KIAA1217: variants seen among roughly 807,000 people sequenced by gnomAD.
The protein encoded by KIAA1217 is KIAA1217, also known as sickle tail protein homolog.
KIAA1217 carries 88 observed loss-of-function variants against 163.9 expected under a neutral mutation model. That is an observed-to-expected ratio of 0.54 (90% CI 0.45 to 0.64). The LOEUF (loss-of-function observed/expected upper bound fraction) is 0.64, where lower values mean the gene tolerates loss of function less well. KIAA1217 is among the 30% of genes least tolerant of loss of function. The probability of loss-of-function intolerance (pLI) is 0.00; values close to 1 mark genes in which losing one functional copy is unlikely to be tolerated. For synonymous variants in KIAA1217, 903 were observed against 923.1 expected, an observed-to-expected ratio of 0.98 and a Z score of 0.39; for missense variants, 2,372 against 2,475.0, an observed-to-expected ratio of 0.96 and a Z score of 0.88.
intron 2 of KIAA1217, among the ~76,000 whole-genome samples, chr10:24,088,274 T>TACAC (rs1257847458): frequency 0.04 from 4,313 of 107,228 alleles, 1,285 homozygotes; most frequent in Non-Finnish European, 0.074. Flanking sequence ...TATATATATA[T>TACAC]ACACACATAT....
At chr10:24,165,008 T>G in intron 2 of KIAA1217, among the ~76,000 whole-genome samples, 1 of 152,192 alleles carries the variant, frequency 6.6e-6, no homozygotes, top group Middle Eastern at 3.2e-3. Context: ...CCTCTTTGGC[T>G]GGGCAGATGT....
chr10:24,442,979 C>T (rs1330648978), intron 5 of KIAA1217, among the ~76,000 whole-genome samples: 6 of 147,588 alleles, frequency 4.1e-5, no homozygotes, highest in African/African-American at 1.0e-4. Context: ...GTTGCAATCT[C>T]GGCTCATTGC....
intron 5 of KIAA1217, among the ~76,000 whole-genome samples, chr10:24,445,321 T>C (rs1344833784): frequency 6.6e-6 from 1 of 152,182 alleles, no homozygotes; most frequent in East Asian, 1.9e-4. Context: ...TTTGAAGTGA[T>C]GTTCCTACTA....
At chr10:23,816,289 GTTGTTTGT>G (rs374978039) in intron 1 of KIAA1217, among the ~76,000 whole-genome samples, 6 of 151,802 alleles carry the variant, frequency 4.0e-5, no homozygotes, top group Non-Finnish European at 8.8e-5. Flanking sequence ...TGTTGTTGTT[GTTGTTTGT>G]TTGTTTGTTT....
intron 2 of KIAA1217, among the ~76,000 whole-genome samples, chr10:24,242,842 C>T (rs114181768): frequency 0.034 from 5,192 of 152,182 alleles, 233 homozygotes; most frequent in African/African-American, 0.1. Context: ...TGATTAGTGA[C>T]GTGGAGCATT....
intron 1 of KIAA1217, among the ~76,000 whole-genome samples, chr10:23,709,245 TG>T (rs2130730126): frequency 6.6e-6 from 1 of 152,178 alleles, no homozygotes; most frequent in East Asian, 1.9e-4. Flanking sequence ...AACTTTCAGG[TG>T]GGTGCGGTGG....
At chr10:24,000,667 G>A (rs1159285629) in intron 1 of KIAA1217, among the ~76,000 whole-genome samples, 1 of 152,240 alleles carries the variant, frequency 6.6e-6, no homozygotes, top group Non-Finnish European at 1.5e-5. Context: ...GATCTGAACA[G>A]TCATGGAAAT....
chr10:24,334,874 AT>A (rs2046151605), intron 2 of KIAA1217, among the ~76,000 whole-genome samples: 2 of 152,162 alleles, frequency 1.3e-5, no homozygotes, highest in African/African-American at 2.4e-5. Context: ...TCTTTTTCAT[AT>A]TGTTGAAGTT....
At chr10:23,730,560 T>C (rs11013670) in intron 1 of KIAA1217, among the ~76,000 whole-genome samples, 33,211 of 152,072 alleles carry the variant, frequency 0.22, 3,863 homozygotes, top group Middle Eastern at 0.29. Context: ...TTTGATGGCA[T>C]TTAATTTATA....
chr10:24,497,314 A>G (rs192772793), intron 8 of KIAA1217, among the ~76,000 whole-genome samples: 9 of 152,308 alleles, frequency 5.9e-5, no homozygotes, highest in African/African-American at 2.2e-4. Flanking sequence ...AGGTTTTTAT[A>G]CTGAGCATTA....
In KIAA1217 at chr10:23,869,124, GTTTTTTTTTTTT is replaced by G. The variant is rs58288361; in HGVS notation, c.-320-138082_-320-138071del. Reference sequence around the variant, plus strand: ...GTGTAACGTGCAATCATGAAATGTAGTTTTTTTTTTTTTTTTTTTTTTTTTTTTTTGCATAAG... The same window carrying G: ...GTGTAACGTGCAATCATGAAATGTAGTTTTTTTTTTTTTTTTTTGCATAAG... On this transcript the variant is annotated intron_variant, in intron 1 of 18. Coordinates refer to the KIAA1217 transcript ENST00000376462. Among the ~76,000 whole-genome samples, 50 of 31,722 alleles carry G rather than the reference GTTTTTTTTTTTT, an allele frequency of 1.6e-3. 2 individuals are homozygous for G. In the South Asian group the frequency reaches 0.019, roughly 12 times the overall value. The allele number at this position is 31,722 out of a possible 152,430, so 20.8% of individuals were successfully genotyped here. A position where few individuals can be genotyped will look rare whatever the true frequency, so the allele number is the denominator to read the frequency against.
At chr10:24,227,073 A>G (rs1293184668) in intron 2 of KIAA1217, among the ~76,000 whole-genome samples, 4 of 152,148 alleles carry the variant, frequency 2.6e-5, no homozygotes, top group Non-Finnish European at 5.9e-5. Context: ...TCAGATCATA[A>G]AAGAAACGAA....
chr10:24,334,265 C>A (rs1423878983), intron 2 of KIAA1217, among the ~76,000 whole-genome samples: 2 of 152,066 alleles, frequency 1.3e-5, no homozygotes, highest in African/African-American at 4.8e-5. Context: ...AGGGGTTGGG[C>A]ATGGCGGAGC....
chr10:24,342,264 C>T (rs1253386343), intron 2 of KIAA1217, among the ~76,000 whole-genome samples: 1 of 152,210 alleles, frequency 6.6e-6, no homozygotes, highest in Non-Finnish European at 1.5e-5. Flanking sequence ...ACCTACCTCA[C>T]ATACTTGTCC....
chr10:23,872,753 A>C (rs987142975), intron 1 of KIAA1217, among the ~76,000 whole-genome samples: 3 of 152,092 alleles, frequency 2.0e-5, no homozygotes, highest in Non-Finnish European at 4.4e-5. Context: ...GTGAGGGTTT[A>C]ATTTCTAATG....
intron 1 of KIAA1217, among the ~76,000 whole-genome samples, chr10:23,989,088 A>G (rs1320006607): frequency 6.6e-6 from 1 of 152,236 alleles, no homozygotes; most frequent in Non-Finnish European, 1.5e-5. Flanking sequence ...AACTCAGCAT[A>G]ATCTAAGTTA....
rs141672009 is a variant in KIAA1217 at position 24,524,606 on chromosome 10, G to C, written c.2740G>C (p.Ala914Pro). The C allele has an allele frequency of 1.6e-4, 262 of 1,613,818 alleles. No individual in the cohort carries two copies. The highest frequency in any genetic ancestry group is 2.1e-4 in the Non-Finnish European group (246 of 1,180,024). ...LNPAQNLPHV[A>P]SSPAVPQEAT... ...CCCTGCTCAGAACTTGCCTCACGTG[G>C]CCAGCTCCCCAGCCGTCCCCCAGGA... The change falls in exon 13 of 21, where the codon GCC (alanine) becomes CCC (proline). Residue 914 changes from alanine (A) to proline (P), a missense_variant. Physicochemically the swap from Ala to Pro is conservative, Grantham distance 27. Coordinates refer to ENST00000376454, the MANE Select transcript of KIAA1217 (RefSeq NM_019590.5).
intron 1 of KIAA1217, among the ~76,000 whole-genome samples, chr10:23,752,833 G>GT (rs1448414210): frequency 6.6e-6 from 1 of 152,050 alleles, no homozygotes; most frequent in Non-Finnish European, 1.5e-5. Context: ...AAGTGAATGG[G>GT]TATTACCCAA....
At chr10:23,764,142 A>G (rs896412148) in intron 1 of KIAA1217, among the ~76,000 whole-genome samples, 1 of 152,212 alleles carries the variant, frequency 6.6e-6, no homozygotes, top group Non-Finnish European at 1.5e-5. Flanking sequence ...AAAGTGGGCA[A>G]AGGATATGAA....
Sources: gnomAD v4.1 joint callset for allele counts (sites outside exome capture counted in the v4.1 genomes callset) on GRCh38, gnomAD v4.1.1 for gene constraint, MANE v1.5 for transcripts, NCBI Gene and HGNC (gene_info 2026-07-23, HGNC 2026-07-21) for gene names.